The following DENND1A variants were observed in gnomAD, a reference collection of about 807,000 sequenced individuals.
DENND1A encodes DENN domain-containing protein 1A.
A neutral mutation model predicts 113.7 loss-of-function variants in DENND1A; 51 were observed. The ratio of observed to expected loss-of-function variants is 0.45; its 90% CI spans 0.36 to 0.57. The LOEUF is 0.57. Ranked by LOEUF, DENND1A falls within the 20% of genes least tolerant of loss-of-function variation. The probability of loss-of-function intolerance (pLI) is 0.00; values close to 1 mark genes in which losing one functional copy is unlikely to be tolerated. For missense variants in DENND1A, 1,258 were observed against 1,395.9 expected (o/e 0.90, Z 1.57); for synonymous variants, 565 against 570.8 (o/e 0.99, Z 0.14).
intron 10 of DENND1A, among the ~76,000 whole-genome samples, chr9:123,626,156 G>C (rs111311979): frequency 1.6e-4 from 25 of 152,186 alleles, no homozygotes; most frequent in Non-Finnish European, 2.9e-4. Context: ...GCCTCCCAAA[G>C]TGCTGAGATT....
intron 1 of DENND1A, among the ~76,000 whole-genome samples, chr9:123,886,175 G>A (rs998072387): frequency 3.3e-5 from 5 of 151,730 alleles, no homozygotes; most frequent in African/African-American, 9.7e-5. Context: ...GCTTAATGGC[G>A]TTTTTTGTTT....
At chr9:123,838,730 G>T (rs760997687) in intron 2 of DENND1A, among the ~76,000 whole-genome samples, 2 of 152,228 alleles carry the variant, frequency 1.3e-5, no homozygotes, top group South Asian at 4.1e-4. Context: ...CTTGTACAGT[G>T]GCAAGTAGGA....
intron 1 of DENND1A, among the ~76,000 whole-genome samples, chr9:123,896,892 T>G (rs1414304937): frequency 6.6e-6 from 1 of 152,010 alleles, no homozygotes; most frequent in Non-Finnish European, 1.5e-5. Flanking sequence ...AAATCAATAC[T>G]CTGGAAGAGA....
chr9:123,461,592 C>T (rs896345500), intron 13 of DENND1A, among the ~76,000 whole-genome samples: 8 of 152,220 alleles, frequency 5.3e-5, no homozygotes, highest in African/African-American at 9.6e-5. Context: ...AGGAAGAAGT[C>T]TGCTGAGGGC....
intron 2 of DENND1A, among the ~76,000 whole-genome samples, chr9:123,827,348 A>G (rs1283906047): frequency 6.6e-6 from 1 of 150,392 alleles, no homozygotes; most frequent in Non-Finnish European, 1.5e-5. Flanking sequence ...GCCTCAGGAA[A>G]AAGATTTTGT....
At chr9:123,544,267 T>C (rs2135692351) in intron 13 of DENND1A, among the ~76,000 whole-genome samples, 1 of 152,324 alleles carries the variant, frequency 6.6e-6, no homozygotes, top group Middle Eastern at 3.4e-3. Flanking sequence ...TCACTACAAA[T>C]ATCAAATATT....
chr9:123,431,016 G>T (rs1014431751), intron 19 of DENND1A, among the ~76,000 whole-genome samples: 4 of 151,974 alleles, frequency 2.6e-5, no homozygotes, highest in African/African-American at 9.7e-5. Context: ...CAAAACAAAA[G>T]CAAAAAACAA....
Position 123,757,822 on chromosome 9 carries a change from G to C in DENND1A, c.183C>G (p.Ser61Arg), listed in dbSNP as rs1248974924. The C allele has an allele frequency of 1.9e-6, 3 of 1,613,504 alleles. No homozygotes were observed. Among genetic ancestry groups the C allele is most frequent in the African/African-American group, 2.7e-5 (2 of 74,888 alleles). The change falls in exon 5 of 24, where the codon AGC (serine) becomes AGG (arginine). Residue 61 changes from serine to arginine, a missense_variant and splice_region_variant. Ser to Arg is a moderately radical substitution (Grantham distance 110). Coordinates refer to ENST00000394215, the MANE Select transcript of DENND1A (RefSeq NM_001352964.2). ...TKFCFPFYVD[S>R]LTVSQVGQNF... ...TCTGGCCAACTTGGCTAACTGTGAG[G>C]CTGCAGCAAAGGCAGAACAAAGGGG... is the stretch of plus-strand genomic sequence containing the variant.
At chr9:123,398,589 G>C (rs2043258276) in intron 21 of DENND1A, among the ~76,000 whole-genome samples, 2 of 152,116 alleles carry the variant, frequency 1.3e-5, no homozygotes, top group Admixed American at 6.5e-5. Context: ...GTGTTAGCCA[G>C]GATGGTCTTG....
intron 5 of DENND1A, among the ~76,000 whole-genome samples, chr9:123,681,774 G>A (rs938313587): frequency 1.3e-5 from 2 of 152,154 alleles, no homozygotes; most frequent in African/African-American, 4.8e-5. Flanking sequence ...AGGCCTGGAA[G>A]CAGAGATATC....
chr9:123,563,567 T>C (rs2057884260), intron 12 of DENND1A, among the ~76,000 whole-genome samples: 1 of 152,226 alleles, frequency 6.6e-6, no homozygotes, highest in South Asian at 2.1e-4. Context: ...GTAGAGTGCC[T>C]GGCTTTTTTT....
At chr9:123,523,428 C>G (rs867800861) in intron 13 of DENND1A, among the ~76,000 whole-genome samples, 16 of 152,286 alleles carry the variant, frequency 1.1e-4, no homozygotes, top group Admixed American at 2.6e-4. Flanking sequence ...TACTGCTACA[C>G]AGATAATACG....
intron 11 of DENND1A, among the ~76,000 whole-genome samples, chr9:123,588,102 C>A (rs1209138844): frequency 1.3e-5 from 2 of 150,134 alleles, no homozygotes; most frequent in African/African-American, 4.9e-5. Context: ...ATGGAGAAAC[C>A]CCATCTCTAC....
chr9:123,664,518 GCTT>G (rs2063401968), intron 8 of DENND1A, among the ~76,000 whole-genome samples: 1 of 147,964 alleles, frequency 6.8e-6, no homozygotes, highest in African/African-American at 2.5e-5. Flanking sequence ...TTTTTTTTTA[GCTT>G]CTTGAAAGTC....
chr9:123,731,097 G>T (rs2068134771), intron 5 of DENND1A, among the ~76,000 whole-genome samples: 1 of 152,048 alleles, frequency 6.6e-6, no homozygotes, highest in Non-Finnish European at 1.5e-5. Context: ...ACACACCGGG[G>T]TCTGTTGTGG....
chr9:123,435,849 G>A (rs570716721), intron 19 of DENND1A, among the ~76,000 whole-genome samples: 19 of 152,222 alleles, frequency 1.2e-4, no homozygotes, highest in Admixed American at 2.0e-4. Flanking sequence ...CAGCAACGCC[G>A]TTCCAGTGTG....
At chr9:123,716,828 T>C (rs2067007140) in intron 5 of DENND1A, among the ~76,000 whole-genome samples, 1 of 152,222 alleles carries the variant, frequency 6.6e-6, no homozygotes, top group South Asian at 2.1e-4. Flanking sequence ...ACGTACATGC[T>C]TGACGGGGCA....
At chr9:123,794,504 CA>C (rs985579863) in intron 2 of DENND1A, among the ~76,000 whole-genome samples, 31 of 152,130 alleles carry the variant, frequency 2.0e-4, no homozygotes, top group African/African-American at 7.2e-4. Context: ...AAACTTCATA[CA>C]AAAATTACTT....
intron 5 of DENND1A, among the ~76,000 whole-genome samples, chr9:123,724,560 G>C (rs1388904222): frequency 6.6e-6 from 1 of 151,636 alleles, no homozygotes; most frequent in Admixed American, 6.6e-5. Context: ...CTGAAGAAAA[G>C]CTTGGTTGAT....
Sources: gnomAD v4.1 joint callset for allele counts (sites outside exome capture counted in the v4.1 genomes callset) on GRCh38, gnomAD v4.1.1 for gene constraint, MANE v1.5 for transcripts, NCBI Gene and HGNC (gene_info 2026-07-23, HGNC 2026-07-21) for gene names.